The following WWC2 variants were observed in gnomAD, a reference collection of about 807,000 sequenced individuals.
WWC2 encodes protein WWC2.
A neutral mutation model predicts 138.5 loss-of-function variants in WWC2; 101 were observed. The observed-to-expected ratio is 0.73, with a 90% CI of 0.62 to 0.86. WWC2 has a LOEUF of 0.86. WWC2 is among the 40% of genes least tolerant of loss of function. WWC2 has a pLI of 0.00. For synonymous variants in WWC2, 558 were observed against 538.4 expected, an observed-to-expected ratio of 1.04 and a Z score of -0.50; for missense variants, 1,420 against 1,419.4, an observed-to-expected ratio of 1.00 and a Z score of -0.01.
At chr4:183,300,075 G>A (rs1738778066) in intron 21 of WWC2, among the ~76,000 whole-genome samples, 2 of 152,182 alleles carry the variant, frequency 1.3e-5, no homozygotes, top group South Asian at 2.1e-4. Flanking sequence ...GCTGAGGACT[G>A]TAAATTAAGA....
chr4:183,247,585 CTA>C lies in WWC2; in HGVS notation c.733-1121_733-1120del, dbSNP rs200419292. Among the ~76,000 whole-genome samples, 402 of 135,956 alleles carry C rather than the reference CTA, an allele frequency of 3.0e-3. 2 individuals are homozygous for C. The highest frequency in any genetic ancestry group is 4.4e-3 in the African/African-American group (153 of 34,668). 89.2% of individuals were successfully genotyped at this position (135,956 alleles called of 152,430 possible). A position where few individuals can be genotyped will look rare whatever the true frequency, so the allele number is the denominator to read the frequency against. On this transcript the variant is annotated intron_variant, in intron 6 of 22. Coordinates refer to ENST00000403733, the MANE Select transcript of WWC2 (RefSeq NM_024949.6). ...CTATATATGCTCTATATACTATATACTATATATATGCTATATATGCTATATAT... is the reference window on the plus strand; with the variant it reads ...CTATATATGCTCTATATACTATATACTATATATGCTATATATGCTATATAT...
chr4:183,270,799 G>C (rs528723913), intron 15 of WWC2, among the ~76,000 whole-genome samples: 4 of 152,078 alleles, frequency 2.6e-5, no homozygotes, highest in African/African-American at 9.6e-5. Context: ...TTACATAAAA[G>C]GCATGCTTAG....
chr4:183,151,419 T>G (rs1271162073), intron 1 of WWC2, among the ~76,000 whole-genome samples: 2 of 152,244 alleles, frequency 1.3e-5, no homozygotes. Flanking sequence ...GTTTAAGTTC[T>G]TCGTAGATTC....
At chr4:183,176,324 G>T (rs1734466135) in intron 1 of WWC2, among the ~76,000 whole-genome samples, 1 of 152,112 alleles carries the variant, frequency 6.6e-6, no homozygotes, top group African/African-American at 2.4e-5. Context: ...TTTTCTCTTG[G>T]TTCTTGAAAT....
intron 1 of WWC2, among the ~76,000 whole-genome samples, chr4:183,105,616 C>T (rs538454010): frequency 6.6e-5 from 10 of 152,252 alleles, no homozygotes; most frequent in South Asian, 4.1e-4. Flanking sequence ...ACTTGCCGGG[C>T]GCTGTGGCTC....
rs768905136 is a variant in WWC2 at position 183,265,126 on chromosome 4, C to G, written c.2039+19C>G. 6.3e-7 allele frequency: 1 copy of G among 1,588,276 alleles called. No individual in the cohort carries two copies. Among genetic ancestry groups the G allele is most frequent in the Non-Finnish European group, 8.6e-7 (1 of 1,166,652 alleles). On this transcript the variant is annotated intron_variant, in intron 12 of 22. Coordinates refer to ENST00000403733, the MANE Select transcript of WWC2 (RefSeq NM_024949.6). ...TGAAACAGTAAGGATTCAGCAGGGGCGCTTTTAGCTCCAGCGAATCTCCAT... is the reference window on the plus strand; with the variant it reads ...TGAAACAGTAAGGATTCAGCAGGGGGGCTTTTAGCTCCAGCGAATCTCCAT...
At chr4:183,230,060 G>C (rs1580082321) in intron 4 of WWC2, among the ~76,000 whole-genome samples, 1 of 152,142 alleles carries the variant, frequency 6.6e-6, no homozygotes, top group African/African-American at 2.4e-5. Context: ...CCTGGGCTCA[G>C]GCAATCTTCC....
intron 1 of WWC2, among the ~76,000 whole-genome samples, chr4:183,136,895 C>A (rs986914459): frequency 2.6e-5 from 4 of 152,106 alleles, no homozygotes; most frequent in Non-Finnish European, 1.5e-5. Context: ...AGGCCTATAC[C>A]TAAAACCTAG....
intron 1 of WWC2, among the ~76,000 whole-genome samples, chr4:183,149,117 G>T (rs1456154597): frequency 6.6e-6 from 1 of 151,916 alleles, no homozygotes; most frequent in Non-Finnish European, 1.5e-5. Flanking sequence ...AGACAAAGTA[G>T]TATGGCTTTA....
intron 1 of WWC2, among the ~76,000 whole-genome samples, chr4:183,114,181 T>TC (rs1732339358): frequency 6.6e-6 from 1 of 152,066 alleles, no homozygotes; most frequent in Non-Finnish European, 1.5e-5. Flanking sequence ...CACCACCTCC[T>TC]CCCCCCGCCA....
intron 1 of WWC2, among the ~76,000 whole-genome samples, chr4:183,191,628 GA>G (rs1429242653): frequency 1.3e-5 from 2 of 152,154 alleles, no homozygotes. Context: ...CTTTAGTGTG[GA>G]GCAGAATTAC....
At chr4:183,186,737 G>T (rs1296532281) in intron 1 of WWC2, among the ~76,000 whole-genome samples, 1 of 152,056 alleles carries the variant, frequency 6.6e-6, no homozygotes, top group Non-Finnish European at 1.5e-5. Context: ...GGGTCTCAGG[G>T]AGCAGACCTG....
At chr4:183,264,016 A>G (rs995093962) in intron 11 of WWC2, among the ~76,000 whole-genome samples, 2 of 152,184 alleles carry the variant, frequency 1.3e-5, no homozygotes, top group Admixed American at 6.5e-5. Flanking sequence ...GTCAAAGTCA[A>G]TTTCAGGCTG....
intron 1 of WWC2, among the ~76,000 whole-genome samples, chr4:183,168,178 C>CTTTT (rs143205549): frequency 2.2e-5 from 3 of 138,778 alleles, no homozygotes; most frequent in South Asian, 2.3e-4. Flanking sequence ...TCTTTTCTTT[C>CTTTT]TTTTTTTTTT....
chr4:183,167,273 C>T (rs1412951407), intron 1 of WWC2, among the ~76,000 whole-genome samples: 1 of 152,138 alleles, frequency 6.6e-6, no homozygotes, highest in Non-Finnish European at 1.5e-5. Flanking sequence ...TTATTGAGAA[C>T]CTACCGTATG....
At chr4:183,251,499 C>T (rs1432301307) in intron 8 of WWC2, among the ~76,000 whole-genome samples, 2 of 152,210 alleles carry the variant, frequency 1.3e-5, no homozygotes, top group Non-Finnish European at 2.9e-5. Context: ...CTGGAGCTCA[C>T]ATCACATTTC....
In WWC2 at chr4:183,135,243, C is replaced by G. The variant is rs556707432; in HGVS notation, c.131+35621C>G. ...TGATCTTTATCTTTTAACTGGACTA[C>G]TTAGTTTACATTTATTGTAATTATT... On this transcript the variant is annotated intron_variant, in intron 1 of 22. Transcript: ENST00000403733. 3.9e-5 allele frequency among the ~76,000 whole-genome samples: 6 copies of G among 152,176 alleles called. No homozygotes were observed. In the South Asian group the frequency reaches 1.2e-3, roughly 32 times the overall value.
At chr4:183,220,839 G>GA (rs796202588) in intron 4 of WWC2, among the ~76,000 whole-genome samples, 225 of 79,796 alleles carry the variant, frequency 2.8e-3, no homozygotes, top group Middle Eastern at 0.014. Context: ...GTCTCAAAAA[G>GA]AAAAAAAAAA....
At position 183,253,914 on chromosome 4, in the gene WWC2, T is replaced by C. The variant is rs1444174546; in HGVS notation, c.1111T>C (p.Leu371=). 1 of 1,613,686 alleles carries C rather than the reference T, an allele frequency of 6.2e-7. No individual in the cohort carries two copies. The highest frequency in any genetic ancestry group is 8.5e-7 in the Non-Finnish European group (1 of 1,179,794). The change falls in exon 9 of 23, where the codon TTA becomes CTA. Residue 371 remains leucine (L), a synonymous_variant. Transcript: ENST00000403733. The part of the protein sequence containing the change: ...VTPQKRTQDE[L]ERLEAERQRL... ...CCCACAGAAACGTACCCAAGATGAA[T>C]TAGAACGCCTAGAAGCTGAAAGGCA... is the stretch of plus-strand genomic sequence containing the variant.
Sources: gnomAD v4.1 joint callset for allele counts (sites outside exome capture counted in the v4.1 genomes callset) on GRCh38, gnomAD v4.1.1 for gene constraint, MANE v1.5 for transcripts, NCBI Gene and HGNC (gene_info 2026-07-23, HGNC 2026-07-21) for gene names.